TMOD3: variants seen among roughly 807,000 people sequenced by gnomAD.
TMOD3 encodes the protein tropomodulin-3.
A neutral mutation model predicts 39.2 loss-of-function variants in TMOD3; 20 were observed. The observed-to-expected ratio is 0.51, with a 90% CI of 0.36 to 0.74. The LOEUF (loss-of-function observed/expected upper bound fraction) is 0.74. Ranked by LOEUF, TMOD3 falls within the 30% of genes least tolerant of loss-of-function variation. The pLI is 0.00. For synonymous variants in TMOD3, 143 were observed against 145.8 expected (o/e 0.98, Z 0.14); for missense variants, 381 against 412.8 (o/e 0.92, Z 0.67).
At chr15:51,859,336 A>G in intron 1 of TMOD3, 1 of 713,914 alleles carries the variant, frequency 1.4e-6, no homozygotes, top group Non-Finnish European at 2.7e-6. Flanking sequence ...CAATCCACCC[A>G]AAGATCAGAA....
intron 2 of TMOD3, among the ~76,000 whole-genome samples, chr15:51,866,196 T>C (rs7163904): frequency 1.3e-3 from 191 of 152,294 alleles, no homozygotes; most frequent in African/African-American, 4.2e-3. Context: ...GGCTCACACC[T>C]GTAATCCTAG....
At chr15:51,839,695 A>T (rs2056304154) in intron 1 of TMOD3, among the ~76,000 whole-genome samples, 1 of 152,060 alleles carries the variant, frequency 6.6e-6, no homozygotes, top group Non-Finnish European at 1.5e-5. Context: ...TACAATTTGT[A>T]CACCACCACA....
In TMOD3 at chr15:51,869,234, A is replaced by C; in HGVS notation, c.144A>C (p.Ala48=). The C allele has an allele frequency of 6.2e-7, 1 of 1,613,870 alleles. No individual in the cohort carries two copies. Among genetic ancestry groups the C allele is most frequent in the Non-Finnish European group, 8.5e-7 (1 of 1,179,922 alleles). The part of the protein sequence containing the change: ...DLDPENALLP[A]GFRQKNQTSK... ...TCTGGCAGAATGCCCTTCTGCCTGC[A>C]GGGTTCCGGCAGAAGAACCAGACAT... is the stretch of plus-strand genomic sequence containing the variant. Residue 48 remains alanine (A), a synonymous_variant, in exon 3 of 10, where the codon GCA becomes GCC. Transcript: ENST00000308580.
chr15:51,902,287 A>G (rs961655801), intron 9 of TMOD3, among the ~76,000 whole-genome samples: 1 of 152,250 alleles, frequency 6.6e-6, no homozygotes, highest in Non-Finnish European at 1.5e-5. Flanking sequence ...GTTTTCTACA[A>G]CAAACAATTT....
intron 9 of TMOD3, among the ~76,000 whole-genome samples, chr15:51,905,950 C>CAAAAAAAAAAAAAAAAAA (rs869172248): frequency 1.5e-5 from 1 of 64,728 alleles, no homozygotes; most frequent in African/African-American, 6.0e-5. Context: ...GACTCCGTCT[C>CAAAAAAAAAAAAAAAAAA]AAAAAAAAAA....
intron 1 of TMOD3, among the ~76,000 whole-genome samples, chr15:51,853,572 T>C (rs1304663324): frequency 6.6e-6 from 1 of 152,168 alleles, no homozygotes; most frequent in African/African-American, 2.4e-5. Flanking sequence ...TTTATGTCAG[T>C]ATTTTCAGTT....
intron 1 of TMOD3, among the ~76,000 whole-genome samples, chr15:51,853,679 T>A (rs2056373220): frequency 6.6e-6 from 1 of 151,924 alleles, no homozygotes; most frequent in African/African-American, 2.4e-5. Context: ...CATGATGTCT[T>A]ATGCTGGTAG....
At chr15:51,859,036 C>T (rs2056402757) in intron 1 of TMOD3, 2 of 365,070 alleles carry the variant, frequency 5.5e-6, no homozygotes, top group Non-Finnish European at 1.0e-5. Flanking sequence ...AAAAAATTAA[C>T]AAGTTAATAT....
chr15:51,869,771 T>C (rs991232336), intron 3 of TMOD3, among the ~76,000 whole-genome samples: 6 of 152,220 alleles, frequency 3.9e-5, no homozygotes, highest in African/African-American at 1.4e-4. Flanking sequence ...TCAAAGACCC[T>C]TTTAAAAAGC....
rs758219281 is a variant in TMOD3, at chr15:51,900,321, G to A, written c.879+23G>A. The A allele has an allele frequency of 1.1e-5, 18 of 1,613,082 alleles. No homozygotes were observed. The East Asian group carries it at 2.0e-4, about 18-fold the overall frequency. On this transcript the variant is annotated intron_variant, in intron 8 of 9. Coordinates refer to ENST00000308580, the MANE Select transcript of TMOD3 (RefSeq NM_014547.5). ...CAGGTCAATGTTCTACAATAATAAC[G>A]TCGAGGAAGCTACAGCCCACGCTGC...
chr15:51,866,177 G>A (rs755753751), intron 2 of TMOD3, among the ~76,000 whole-genome samples: 3 of 152,086 alleles, frequency 2.0e-5, no homozygotes, highest in African/African-American at 4.8e-5. Flanking sequence ...GTTTTTGGCC[G>A]GGTATAGTGG....
intron 1 of TMOD3, chr15:51,860,287 A>C: frequency 1.9e-6 from 1 of 529,124 alleles, no homozygotes; most frequent in South Asian, 1.4e-5. Context: ...TCTGCACCTT[A>C]AATTATGCTT....
chr15:51,874,494 G>T (rs538694161), intron 3 of TMOD3, among the ~76,000 whole-genome samples: 2 of 152,298 alleles, frequency 1.3e-5, no homozygotes, highest in South Asian at 4.1e-4. Flanking sequence ...AGGAGTGAAA[G>T]AGAGTATTCA....
chr15:51,908,934 T>G lies in TMOD3; in HGVS notation c.*124T>G, dbSNP rs1408845047. ...GGAAAAATTTTTTTAGTGACATGCA[T>G]TTTTTTTTTAGTTGTTATCAAATTG... On this transcript the variant is annotated 3_prime_UTR_variant, in exon 10 of 10. Transcript: ENST00000308580. The G allele has an allele frequency of 7.2e-6, 3 of 414,304 alleles. No homozygotes were observed. The highest frequency in any genetic ancestry group is 6.5e-5 in the African/African-American group (3 of 45,886). 25.7% of individuals were successfully genotyped at this position (414,304 alleles called of 1,614,324 possible).
intron 1 of TMOD3, chr15:51,860,514 G>A: frequency 1.7e-6 from 1 of 577,444 alleles, no homozygotes; most frequent in Admixed American, 1.9e-5. Flanking sequence ...TGCACTTTCT[G>A]AAGACAAGCA....
rs67190705 is a variant in TMOD3 at position 51,890,169 on chromosome 15, A to ATTT, written c.496+1038_496+1040dup. Reference sequence around the variant, plus strand: ...TTTTCAATAATAATTCTATTAGCTAATTTTTTTTTTTTTTTTGGAAACGGA... The same window carrying ATTT: ...TTTTCAATAATAATTCTATTAGCTAATTTTTTTTTTTTTTTTTTTGGAAACGGA... On this transcript the variant is annotated intron_variant, in intron 5 of 9. Coordinates refer to ENST00000308580, the MANE Select transcript of TMOD3 (RefSeq NM_014547.5). Among the ~76,000 whole-genome samples, 556 of 140,420 alleles carry ATTT rather than the reference A, an allele frequency of 4.0e-3. 4 individuals carry two copies. The highest frequency in any genetic ancestry group is 0.014 in the African/African-American group (534 of 38,378). 92.1% of individuals were successfully genotyped at this position (140,420 alleles called of 152,430 possible). A position where few individuals can be genotyped will look rare whatever the true frequency, so the allele number is the denominator to read the frequency against.
intron 1 of TMOD3, among the ~76,000 whole-genome samples, chr15:51,850,798 G>A (rs1246180180): frequency 5.3e-5 from 8 of 152,032 alleles, no homozygotes; most frequent in African/African-American, 1.7e-4. Flanking sequence ...GTGCAGTGGC[G>A]CGATCTCGGC....
At chr15:51,873,005 A>G (rs546369310) in intron 3 of TMOD3, among the ~76,000 whole-genome samples, 109 of 152,348 alleles carry the variant, frequency 7.2e-4, no homozygotes, top group Middle Eastern at 3.4e-3. Context: ...TTCCTCTTCA[A>G]CAATCAAGCA....
intron 1 of TMOD3, among the ~76,000 whole-genome samples, chr15:51,854,915 A>G (rs1384327422): frequency 6.6e-6 from 1 of 152,222 alleles, no homozygotes; most frequent in Non-Finnish European, 1.5e-5. Flanking sequence ...AAAAATTAGC[A>G]TGGTCCTGGA....
Sources: gnomAD v4.1 joint callset for allele counts (sites outside exome capture counted in the v4.1 genomes callset) on GRCh38, gnomAD v4.1.1 for gene constraint, MANE v1.5 for transcripts, NCBI Gene and HGNC (gene_info 2026-07-23, HGNC 2026-07-21) for gene names.